CAMTA1: variants seen among roughly 807,000 people sequenced by gnomAD.
CAMTA1 encodes the protein calmodulin-binding transcription activator 1.
In CAMTA1, 27 loss-of-function variants were observed where a neutral mutation model predicts 170.9. The ratio of observed to expected loss-of-function variants is 0.16; its 90% CI spans 0.12 to 0.22. The LOEUF (loss-of-function observed/expected upper bound fraction) is 0.22, where lower values mean the gene tolerates loss of function less well. Among genes scored for constraint, CAMTA1 ranks in the 10% least tolerant of loss-of-function variants. The pLI is 1.00. For synonymous variants in CAMTA1, 833 were observed against 891.5 expected (o/e 0.93, Z 1.17); for missense variants, 1,619 against 2,217.2 (o/e 0.73, Z 5.42).
chr1:7,513,220 A>G (rs2094227769), intron 6 of CAMTA1, among the ~76,000 whole-genome samples: 2 of 152,122 alleles, frequency 1.3e-5, no homozygotes, highest in African/African-American at 2.4e-5. Context: ...TTCAGAGGTC[A>G]AGCCACCGGC....
At chr1:7,479,300 C>A (rs2093474480) in intron 6 of CAMTA1, among the ~76,000 whole-genome samples, 1 of 152,184 alleles carries the variant, frequency 6.6e-6, no homozygotes, top group Non-Finnish European at 1.5e-5. Flanking sequence ...CGCCCAGGTA[C>A]CCACAGGTGC....
rs896269690 is a variant in CAMTA1 at position 7,363,410 on chromosome 1, G to A, written c.439-104420G>A. On this transcript the variant is annotated intron_variant, in intron 5 of 22. Coordinates refer to ENST00000303635, the MANE Select transcript of CAMTA1 (RefSeq NM_015215.4). ...ACATTTGATGTAACACTCGTGTCTC[G>A]GAGGTTGTTAATAAATAATGGATGG... Among the ~76,000 whole-genome samples, 6 of 152,152 alleles carry A rather than the reference G, an allele frequency of 3.9e-5. No homozygotes were observed. The South Asian group carries it at 6.3e-4, about 16-fold the overall frequency.
chr1:7,414,205 G>C (rs1230811322), intron 5 of CAMTA1, among the ~76,000 whole-genome samples: 1 of 152,160 alleles, frequency 6.6e-6, no homozygotes, highest in East Asian at 1.9e-4. Flanking sequence ...CAAGGATATT[G>C]GTCTAAAATT....
At chr1:6,925,403 G>T (rs1298893426) in intron 3 of CAMTA1, among the ~76,000 whole-genome samples, 1 of 152,214 alleles carries the variant, frequency 6.6e-6, no homozygotes, top group African/African-American at 2.4e-5. Flanking sequence ...GCCTGACCTC[G>T]CTTTCGAGGG....
chr1:7,026,272 C>A (rs1702005268), intron 3 of CAMTA1, among the ~76,000 whole-genome samples: 1 of 152,152 alleles, frequency 6.6e-6, no homozygotes. Context: ...AGCAGTGAGG[C>A]CTGCGGAGCC....
At position 7,023,958 on chromosome 1, in the gene CAMTA1, G is replaced by C. The variant is rs534768964; in HGVS notation, c.235-67346G>C. ...CAGGAGAATTGCTTGAATCTGGCGGGGTGGAGCTTGCAGTGAGCCAAGATT... is the reference window on the plus strand; with the variant it reads ...CAGGAGAATTGCTTGAATCTGGCGGCGTGGAGCTTGCAGTGAGCCAAGATT... On this transcript the variant is annotated intron_variant, in intron 3 of 22. Coordinates refer to ENST00000303635, the MANE Select transcript of CAMTA1 (RefSeq NM_015215.4). Among the ~76,000 whole-genome samples the C allele has an allele frequency of 3.1e-3, 473 of 151,618 alleles. 4 individuals are homozygous for C. Among genetic ancestry groups the C allele is most frequent in the African/African-American group, 0.011 (450 of 41,240 alleles).
intron 3 of CAMTA1, among the ~76,000 whole-genome samples, chr1:6,910,543 T>C (rs1679475527): frequency 6.6e-6 from 1 of 152,190 alleles, no homozygotes; most frequent in Admixed American, 6.5e-5. Context: ...GTCTTGTTTC[T>C]TGAAAGGAAA....
chr1:7,549,081 TC>T (rs1325927356), intron 6 of CAMTA1, among the ~76,000 whole-genome samples: 2 of 125,398 alleles, frequency 1.6e-5, no homozygotes. Context: ...GGAGGGTGCC[TC>T]CTTAGGGGTG....
intron 5 of CAMTA1, among the ~76,000 whole-genome samples, chr1:7,289,999 C>T (rs1209413412): frequency 1.3e-5 from 2 of 152,226 alleles, no homozygotes; most frequent in African/African-American, 2.4e-5. Context: ...TGATCTTAGA[C>T]TTCTGGCATC....
chr1:7,345,466 C>T (rs2084157682), intron 5 of CAMTA1, among the ~76,000 whole-genome samples: 1 of 152,242 alleles, frequency 6.6e-6, no homozygotes, highest in Non-Finnish European at 1.5e-5. Context: ...CTGTCTCTGA[C>T]ACATCAGCCA....
chr1:6,901,145 G>A (rs1209044136), intron 3 of CAMTA1, among the ~76,000 whole-genome samples: 1 of 152,192 alleles, frequency 6.6e-6, no homozygotes, highest in African/African-American at 2.4e-5. Context: ...AATGGAGAAA[G>A]GATAGTCTTT....
At chr1:7,222,714 A>G (rs997509993) in intron 4 of CAMTA1, among the ~76,000 whole-genome samples, 5 of 152,310 alleles carry the variant, frequency 3.3e-5, no homozygotes, top group Admixed American at 1.3e-4. Flanking sequence ...CCTGATGGCA[A>G]CGGTCCCACC....
chr1:6,947,785 A>G (rs1328054240), intron 3 of CAMTA1, among the ~76,000 whole-genome samples: 1 of 152,174 alleles, frequency 6.6e-6, no homozygotes, highest in Non-Finnish European at 1.5e-5. Context: ...TGATGCTATT[A>G]CAGATGGAAT....
At chr1:6,903,886 G>C (rs1006628647) in intron 3 of CAMTA1, among the ~76,000 whole-genome samples, 6 of 152,214 alleles carry the variant, frequency 3.9e-5, no homozygotes, top group African/African-American at 1.2e-4. Flanking sequence ...GGACATCGCA[G>C]ACCTTCTTTT....
intron 5 of CAMTA1, among the ~76,000 whole-genome samples, chr1:7,298,843 A>G (rs1014384659): frequency 1.3e-5 from 2 of 152,186 alleles, no homozygotes; most frequent in Non-Finnish European, 2.9e-5. Context: ...TAATGGGCTC[A>G]GAAGAGAATC....
Position 6,880,044 on chromosome 1 carries a change from T to C in CAMTA1, c.234+54834T>C, listed in dbSNP as rs115484061. ...CCCACCTGGAATGGTAGGCTTTTTA[T>C]TTCTCTTTCTCTAGTAGGGTTTTTT... is the stretch of plus-strand genomic sequence containing the variant. On this transcript the variant is annotated intron_variant, in intron 3 of 22. Transcript: ENST00000303635. Among the ~76,000 whole-genome samples the C allele has an allele frequency of 5.2e-3, 787 of 152,080 alleles. 3 individuals are homozygous for C. Among genetic ancestry groups the C allele is most frequent in the Non-Finnish European group, 6.4e-3 (434 of 67,994 alleles).
intron 4 of CAMTA1, among the ~76,000 whole-genome samples, chr1:7,244,373 T>C (rs576304732): frequency 2.6e-5 from 4 of 152,180 alleles, no homozygotes; most frequent in African/African-American, 9.6e-5. Flanking sequence ...CCATTTGACC[T>C]AGCCATCCCA....
At chr1:7,695,448 C>T (rs1193830609) in intron 11 of CAMTA1, among the ~76,000 whole-genome samples, 2 of 152,230 alleles carry the variant, frequency 1.3e-5, no homozygotes, top group African/African-American at 4.8e-5. Context: ...TGGTGAAACG[C>T]CCTGGCATTA....
chr1:7,686,201 G>C (rs1038686540), intron 11 of CAMTA1, among the ~76,000 whole-genome samples: 1 of 152,126 alleles, frequency 6.6e-6, no homozygotes, highest in Non-Finnish European at 1.5e-5. Flanking sequence ...CTATTCTAGC[G>C]GGGGAGAAAG....
Sources: allele counts gnomAD v4.1 joint callset (sites outside exome capture counted in the v4.1 genomes callset), GRCh38; gene constraint gnomAD v4.1.1; transcripts MANE v1.5; gene names NCBI Gene and HGNC (gene_info 2026-07-23, HGNC 2026-07-21).